The following RBMS3 variants were observed in gnomAD, a reference collection of about 807,000 sequenced individuals.
RBMS3 encodes the protein RNA-binding motif, single-stranded-interacting protein 3.
A neutral mutation model predicts 66.8 loss-of-function variants in RBMS3; 27 were observed. The ratio of observed to expected loss-of-function variants is 0.40; its 90% confidence interval spans 0.30 to 0.56. RBMS3 has a LOEUF of 0.56. RBMS3 is among the 20% of genes least tolerant of loss of function. The probability of loss-of-function intolerance (pLI) is 0.40; values close to 1 mark genes in which losing one functional copy is unlikely to be tolerated. For synonymous variants in RBMS3, 188 were observed against 183.0 expected (o/e 1.03, Z -0.22); for missense variants, 513 against 549.5 (o/e 0.93, Z 0.66).
chr3:29,950,368 A>T (rs1308332716), intron 12 of RBMS3, among the ~76,000 whole-genome samples: 1 of 151,886 alleles, frequency 6.6e-6, no homozygotes, highest in African/African-American at 2.4e-5. Context: ...ACAAAAGGGC[A>T]GAGCCTACAT....
intron 1 of RBMS3, among the ~76,000 whole-genome samples, chr3:29,420,590 T>TTTTG (rs2040673412): frequency 9.4e-6 from 1 of 106,342 alleles, no homozygotes; most frequent in Non-Finnish European, 2.0e-5. Context: ...GTTTTGTTTT[T>TTTTG]ATCAACATAG....
At chr3:29,883,468 T>G (rs964332472) in intron 7 of RBMS3, among the ~76,000 whole-genome samples, 1 of 152,092 alleles carries the variant, frequency 6.6e-6, no homozygotes, top group African/African-American at 2.4e-5. Flanking sequence ...AGACTGTGAA[T>G]CAGCACTCAT....
At chr3:29,772,063 G>A (rs927318073) in intron 6 of RBMS3, among the ~76,000 whole-genome samples, 1 of 151,962 alleles carries the variant, frequency 6.6e-6, no homozygotes, top group Non-Finnish European at 1.5e-5. Flanking sequence ...GGAGGAGAAC[G>A]GTAGAAGAGG....
chr3:29,725,866 A>C (rs530239932), intron 4 of RBMS3, among the ~76,000 whole-genome samples: 1 of 152,332 alleles, frequency 6.6e-6, no homozygotes, highest in South Asian at 2.1e-4. Context: ...CTATGAGGCC[A>C]GCATCATCCT....
intron 1 of RBMS3, among the ~76,000 whole-genome samples, chr3:29,289,854 A>G (rs1435898507): frequency 6.6e-6 from 1 of 151,880 alleles, no homozygotes; most frequent in Non-Finnish European, 1.5e-5. Context: ...ATTACATTCA[A>G]TATGCTAGAT....
chr3:29,294,692 T>C (rs2033098452), intron 1 of RBMS3, among the ~76,000 whole-genome samples: 2 of 151,752 alleles, frequency 1.3e-5, no homozygotes, highest in South Asian at 4.1e-4. Flanking sequence ...CTTTTATGGG[T>C]TGGCAGAAAG....
At chr3:29,585,031 G>A (rs957102227) in intron 3 of RBMS3, among the ~76,000 whole-genome samples, 1 of 152,118 alleles carries the variant, frequency 6.6e-6, no homozygotes, top group African/African-American at 2.4e-5. Flanking sequence ...ATATTCATTT[G>A]TATGGTTATT....
intron 6 of RBMS3, among the ~76,000 whole-genome samples, chr3:29,830,266 C>T (rs12485505): frequency 0.044 from 6,739 of 152,084 alleles, 231 homozygotes; most frequent in Admixed American, 0.084. Flanking sequence ...TTTGACTAAA[C>T]ATATCGGTGA....
intron 4 of RBMS3, among the ~76,000 whole-genome samples, chr3:29,727,912 G>A (rs147010130): frequency 9.5e-4 from 144 of 152,288 alleles, no homozygotes; most frequent in African/African-American, 3.2e-3. Flanking sequence ...GCACATGTAT[G>A]TTTATTACAG....
chr3:29,979,000 T>G (rs1041414715), intron 12 of RBMS3, among the ~76,000 whole-genome samples: 1 of 151,972 alleles, frequency 6.6e-6, no homozygotes, highest in African/African-American at 2.4e-5. Flanking sequence ...GGCATGGTGG[T>G]GCATGCATGT....
rs572080919 is a variant in RBMS3, at chr3:29,544,854, C to A, written c.308-42260C>A. Among the ~76,000 whole-genome samples the A allele has an allele frequency of 4.6e-5, 7 of 152,024 alleles. 1 individual carries two copies. In the East Asian group the frequency reaches 1.2e-3, roughly 25 times the overall value. ...AAACAGATAACAGATGGGATTTGGCCCATGGCTATATTTTGCCAACTCCTA... is the reference window on the plus strand; with the variant it reads ...AAACAGATAACAGATGGGATTTGGCACATGGCTATATTTTGCCAACTCCTA... On this transcript the variant is annotated intron_variant, in intron 3 of 14. Coordinates refer to ENST00000383767, the MANE Select transcript of RBMS3 (RefSeq NM_001003793.3).
chr3:29,461,762 C>CT (rs562786878), intron 2 of RBMS3, among the ~76,000 whole-genome samples: 239 of 116,694 alleles, frequency 2.0e-3, no homozygotes, highest in Middle Eastern at 4.2e-3. Context: ...TTCTCTCTCT[C>CT]TTTTTTTTTG....
chr3:29,783,223 G>A (rs2056699741), intron 6 of RBMS3, among the ~76,000 whole-genome samples: 1 of 152,066 alleles, frequency 6.6e-6, no homozygotes, highest in Admixed American at 6.6e-5. Context: ...ATCACAAAAA[G>A]ATCATCACCT....
chr3:29,592,728 A>G (rs2047788817), intron 4 of RBMS3, among the ~76,000 whole-genome samples: 1 of 152,114 alleles, frequency 6.6e-6, no homozygotes, highest in South Asian at 2.1e-4. Context: ...TTGCGGCACT[A>G]TTCATAATAG....
intron 3 of RBMS3, among the ~76,000 whole-genome samples, chr3:29,532,127 G>A (rs1445922789): frequency 4.0e-5 from 6 of 151,032 alleles, no homozygotes; most frequent in Non-Finnish European, 7.4e-5. Flanking sequence ...TAGTCACTTT[G>A]ATGTACTGTT....
intron 4 of RBMS3, among the ~76,000 whole-genome samples, chr3:29,664,038 T>G (rs2050660276): frequency 6.6e-6 from 1 of 152,228 alleles, no homozygotes; most frequent in African/African-American, 2.4e-5. Context: ...TATATAAGTA[T>G]GAACCCCTTG....
chr3:29,608,844 C>T (rs904500855), intron 4 of RBMS3, among the ~76,000 whole-genome samples: 3 of 151,946 alleles, frequency 2.0e-5, no homozygotes, highest in Non-Finnish European at 2.9e-5. Flanking sequence ...TGTGTAAATA[C>T]GTCTCTCTTC....
At chr3:29,457,382 A>G (rs764946794) in intron 2 of RBMS3, among the ~76,000 whole-genome samples, 1 of 152,078 alleles carries the variant, frequency 6.6e-6, no homozygotes, top group Non-Finnish European at 1.5e-5. Context: ...CCAACTTCTC[A>G]TGTTGTCAAC....
intron 4 of RBMS3, among the ~76,000 whole-genome samples, chr3:29,717,203 G>A (rs969591168): frequency 2.0e-5 from 3 of 151,950 alleles, no homozygotes; most frequent in Non-Finnish European, 4.4e-5. Flanking sequence ...AAGTATTAAA[G>A]GTAATGCAAC....
Sources: gnomAD v4.1 joint callset for allele counts (sites outside exome capture counted in the v4.1 genomes callset) on GRCh38, gnomAD v4.1.1 for gene constraint, MANE v1.5 for transcripts, NCBI Gene and HGNC (gene_info 2026-07-23, HGNC 2026-07-21) for gene names.